Variants in NCKAP5 observed in about 807,000 individuals in gnomAD.
NCKAP5 encodes NCK associated protein 5, also known as nck-associated protein 5.
NCKAP5 carries 92 observed loss-of-function variants against 167.0 expected under a neutral mutation model. The ratio of observed to expected loss-of-function variants is 0.55; its 90% CI spans 0.47 to 0.66. The LOEUF is 0.66. Among genes scored for constraint, NCKAP5 ranks in the 30% least tolerant of loss-of-function variants. The pLI is 0.00. For missense variants in NCKAP5, 2,378 were observed against 2,315.0 expected (o/e 1.03, Z -0.56); for synonymous variants, 891 against 877.4 (o/e 1.02, Z -0.27).
At chr2:133,467,450 G>C (rs373084865) in intron 3 of NCKAP5, among the ~76,000 whole-genome samples, 2 of 152,092 alleles carry the variant, frequency 1.3e-5, no homozygotes, top group Non-Finnish European at 2.9e-5. Flanking sequence ...ATGTTCATCA[G>C]GGATATTGGT....
chr2:132,795,733 C>A (rs1684525331), intron 12 of NCKAP5, among the ~76,000 whole-genome samples: 1 of 146,172 alleles, frequency 6.8e-6, no homozygotes, highest in Non-Finnish European at 1.5e-5. Flanking sequence ...GCAGGAGAGT[C>A]ATTTGAACCC....
chr2:133,503,674 TC>T (rs1682740607), intron 3 of NCKAP5, among the ~76,000 whole-genome samples: 1 of 152,214 alleles, frequency 6.6e-6, no homozygotes, highest in Admixed American at 6.5e-5. Flanking sequence ...TTCATGGGGA[TC>T]CGGTAACCAT....
the NCKAP5 span, among the ~76,000 whole-genome samples, chr2:133,580,016 T>G: frequency 6.6e-6 from 1 of 152,204 alleles, no homozygotes. Flanking sequence ...TTTATTCAAC[T>G]GTGGTGCTGC....
chr2:133,032,418 G>T (rs1055395089), intron 6 of NCKAP5, among the ~76,000 whole-genome samples: 17 of 152,226 alleles, frequency 1.1e-4, no homozygotes, highest in African/African-American at 3.9e-4. Context: ...TAGGTCTTGT[G>T]GTCTGAGTGC....
intron 3 of NCKAP5, among the ~76,000 whole-genome samples, chr2:133,309,917 C>T (rs980555374): frequency 3.3e-5 from 5 of 152,178 alleles, no homozygotes; most frequent in African/African-American, 9.7e-5. Context: ...ATCAGCATAA[C>T]TTATGGCAGA....
chr2:133,224,138 C>T (rs1224332643), intron 4 of NCKAP5, among the ~76,000 whole-genome samples: 1 of 152,136 alleles, frequency 6.6e-6, no homozygotes, highest in African/African-American at 2.4e-5. Flanking sequence ...CTCTCAAGAA[C>T]GGTGCCTCGA....
At chr2:133,240,002 T>C (rs1430751744) in intron 4 of NCKAP5, among the ~76,000 whole-genome samples, 2 of 152,174 alleles carry the variant, frequency 1.3e-5, no homozygotes, top group African/African-American at 2.4e-5. Flanking sequence ...ACTGAAATCA[T>C]ATTTTCTCAA....
chr2:133,233,060 G>A (rs771336478), intron 4 of NCKAP5, among the ~76,000 whole-genome samples: 25 of 152,156 alleles, frequency 1.6e-4, no homozygotes, highest in Non-Finnish European at 3.4e-4. Context: ...ATGGATAACT[G>A]CTGCTCCCTG....
chr2:133,564,923 T>A (rs1045464603), intron 1 of NCKAP5, among the ~76,000 whole-genome samples: 1 of 152,182 alleles, frequency 6.6e-6, no homozygotes, highest in South Asian at 2.1e-4. Context: ...GGTGCTAAGT[T>A]TGGGGAGTCA....
At chr2:133,207,248 C>T (rs545352203) in intron 5 of NCKAP5, among the ~76,000 whole-genome samples, 1 of 152,122 alleles carries the variant, frequency 6.6e-6, no homozygotes, top group South Asian at 2.1e-4. Context: ...TGCAAAATTT[C>T]TCTCTTTGTA....
At chr2:133,014,081 G>A (rs1045444937) in intron 6 of NCKAP5, among the ~76,000 whole-genome samples, 4 of 152,082 alleles carry the variant, frequency 2.6e-5, no homozygotes, top group African/African-American at 9.7e-5. Context: ...CCCAATAGCA[G>A]GTCCATCTCT....
rs112106944 is a variant in NCKAP5 at position 133,338,649 on chromosome 2, T to C, written c.70-35539A>G. Reference sequence around the variant, plus strand: ...TAAAACTACCAAGTGTTTTCTGTTTTAGTCCGAAAAGATTTATTTTCTCTT... The same window carrying C: ...TAAAACTACCAAGTGTTTTCTGTTTCAGTCCGAAAAGATTTATTTTCTCTT... On this transcript the variant is annotated intron_variant, in intron 3 of 19. Transcript: ENST00000409261. Among the ~76,000 whole-genome samples, 267 of 152,342 alleles carry C rather than the reference T, an allele frequency of 1.8e-3. 3 individuals are homozygous for C. The highest frequency in any genetic ancestry group is 6.1e-3 in the African/African-American group (255 of 41,576).
intron 11 of NCKAP5, among the ~76,000 whole-genome samples, chr2:132,797,568 TA>T (rs925892933): frequency 3.3e-5 from 5 of 151,690 alleles, no homozygotes; most frequent in Admixed American, 3.3e-4. Flanking sequence ...CTCCAGATGC[TA>T]AAAAAAAATC....
chr2:133,379,332 C>T (rs897987654), intron 3 of NCKAP5, among the ~76,000 whole-genome samples: 2 of 152,172 alleles, frequency 1.3e-5, no homozygotes, highest in African/African-American at 4.8e-5. Flanking sequence ...TCCTTTGAAT[C>T]ATTCTCGGAG....
chr2:132,918,127 G>T (rs377567372), intron 8 of NCKAP5, among the ~76,000 whole-genome samples: 2 of 152,104 alleles, frequency 1.3e-5, no homozygotes, highest in South Asian at 4.1e-4. Context: ...CCCATGGGTT[G>T]GGAAACTTTC....
chr2:133,085,179 A>G (rs897585839), intron 6 of NCKAP5, among the ~76,000 whole-genome samples: 1 of 152,164 alleles, frequency 6.6e-6, no homozygotes, highest in African/African-American at 2.4e-5. Flanking sequence ...GATAGAGCTC[A>G]TAACATACTG....
At chr2:132,743,506 A>T (rs977192489) in intron 16 of NCKAP5, among the ~76,000 whole-genome samples, 8 of 151,776 alleles carry the variant, frequency 5.3e-5, no homozygotes, top group African/African-American at 9.7e-5. Flanking sequence ...AATTACATTT[A>T]AATGTTAAAC....
chr2:133,202,172 T>G lies in NCKAP5; in HGVS notation c.207+11544A>C, dbSNP rs191719868. 5.0e-4 allele frequency among the ~76,000 whole-genome samples: 76 copies of G among 152,306 alleles called. No homozygotes were observed. In the East Asian group the frequency reaches 0.014, roughly 28 times the overall value. ...TACAGTAACCAAAACAGCATGGTAC[T>G]GGTACCACAACAGAGATATAGACCA... On this transcript the variant is annotated intron_variant, in intron 5 of 19. Transcript: ENST00000409261.
chr2:133,277,012 A>G (rs957545343), intron 4 of NCKAP5, among the ~76,000 whole-genome samples: 2 of 152,170 alleles, frequency 1.3e-5, no homozygotes, highest in Non-Finnish European at 2.9e-5. Flanking sequence ...TGAAAATAGG[A>G]ATTGATGTAT....
Sources: gnomAD v4.1 joint callset for allele counts (sites outside exome capture counted in the v4.1 genomes callset) on GRCh38, gnomAD v4.1.1 for gene constraint, MANE v1.5 for transcripts, NCBI Gene and HGNC (gene_info 2026-07-23, HGNC 2026-07-21) for gene names.